Variants in SLC4A5 observed in about 807,000 individuals in gnomAD.
The protein encoded by SLC4A5 is solute carrier family 4 member 5, also known as electrogenic sodium bicarbonate cotransporter 4.
In SLC4A5, 96 loss-of-function variants were observed where a neutral mutation model predicts 120.4. The ratio of observed to expected loss-of-function variants is 0.80; its 90% confidence interval spans 0.68 to 0.94. The LOEUF (loss-of-function observed/expected upper bound fraction) is 0.94, where lower values mean the gene tolerates loss of function less well. Among genes scored for constraint, SLC4A5 ranks in the 40% least tolerant of loss-of-function variants. SLC4A5 has a pLI of 0.00. For missense variants in SLC4A5, 1,259 were observed against 1,459.5 expected (o/e 0.86, Z 2.24); for synonymous variants, 550 against 571.1 (o/e 0.96, Z 0.53).
In SLC4A5 at chr2:74,247,186, CG is replaced by C; in HGVS notation, c.1908del (p.Glu637ArgfsTer20). ...CTGATAAGGGTGGAGAAGCCCTCCT[CG>C]GTGAAGCGGGTGATATATTTGATGA... On this transcript the variant is annotated frameshift_variant, in exon 19 of 31. Transcript: ENST00000394019. LOFTEE classifies it high-confidence loss of function. 1 of 1,614,168 alleles carries C rather than the reference CG, an allele frequency of 6.2e-7. No homozygotes were observed. Among genetic ancestry groups the C allele is most frequent in the Non-Finnish European group, 8.5e-7 (1 of 1,180,038 alleles).
chr2:74,220,901 C>T (rs1189283201), intron 30 of SLC4A5, among the ~76,000 whole-genome samples: 16 of 141,648 alleles, frequency 1.1e-4, no homozygotes, highest in African/African-American at 3.3e-4. Flanking sequence ...AGTGCAGTGG[C>T]GCGATCTCGG....
intron 21 of SLC4A5, among the ~76,000 whole-genome samples, chr2:74,236,977 A>ATT (rs33959548): frequency 0.088 from 12,312 of 140,088 alleles, 896 homozygotes; most frequent in African/African-American, 0.18. Context: ...CAACTGAGCA[A>ATT]TTTTTTTTTT....
chr2:74,329,820 G>A (rs1430940146), intron 4 of SLC4A5, among the ~76,000 whole-genome samples: 1 of 151,916 alleles, frequency 6.6e-6, no homozygotes, highest in Admixed American at 6.6e-5. Flanking sequence ...GGAAGTGTGA[G>A]GTGTAGATGG....
At position 74,255,440 on chromosome 2, in the gene SLC4A5, G is replaced by A. The variant is rs554345668; in HGVS notation, c.1025+335C>T. ...CCCGAGGAGCTGGGATTACAGGCGC[G>A]TACCACCACACCTGGCTAATTTTTT... On this transcript the variant is annotated intron_variant, in intron 13 of 30. Transcript: ENST00000394019. This position sits in a 1 kb window ranked among gnomAD's most constrained non-coding sequence, Gnocchi z 4.0. Among the ~76,000 whole-genome samples, 2 of 151,926 alleles carry A rather than the reference G, an allele frequency of 1.3e-5. No individual in the cohort carries two copies. The highest frequency in any genetic ancestry group is 2.9e-5 in the Non-Finnish European group (2 of 67,980).
At chr2:74,334,646 G>A (rs1373006667) in intron 3 of SLC4A5, among the ~76,000 whole-genome samples, 1 of 151,914 alleles carries the variant, frequency 6.6e-6, no homozygotes, top group Non-Finnish European at 1.5e-5. Flanking sequence ...ATTCACTGAT[G>A]TATCTCTGAT....
chr2:74,270,591 T>C (rs992572804), intron 8 of SLC4A5, among the ~76,000 whole-genome samples: 7 of 152,312 alleles, frequency 4.6e-5, no homozygotes, highest in African/African-American at 1.7e-4. Flanking sequence ...GAGAATGGCG[T>C]GAACCCGGGA....
At chr2:74,281,835 T>C (rs908369973) in intron 8 of SLC4A5, among the ~76,000 whole-genome samples, 1 of 152,220 alleles carries the variant, frequency 6.6e-6, no homozygotes, top group African/African-American at 2.4e-5. Flanking sequence ...AATTAAATAC[T>C]TTTATTAAAG....
At chr2:74,232,900 T>C (rs1244138102) in intron 23 of SLC4A5, among the ~76,000 whole-genome samples, 3 of 152,156 alleles carry the variant, frequency 2.0e-5, no homozygotes, top group African/African-American at 7.2e-5. Context: ...TTTGGGTCTC[T>C]GGGGAGAAGG....
At chr2:74,325,885 G>T (rs1183854487) in intron 5 of SLC4A5, among the ~76,000 whole-genome samples, 1 of 149,320 alleles carries the variant, frequency 6.7e-6, no homozygotes. Context: ...AAGGGGAAGG[G>T]GAAGGGGAAG....
intron 12 of SLC4A5, 124 bp downstream of exon 12, chr2:74,259,464 C>T: frequency 8.8e-7 from 1 of 1,132,372 alleles, no homozygotes; most frequent in South Asian, 1.3e-5. Flanking sequence ...CACTGGGGAT[C>T]TTCCTGGAAC....
At chr2:74,252,034 G>C (rs112110984) in intron 16 of SLC4A5, 145 bp downstream of exon 16, 1 of 870,662 alleles carries the variant, frequency 1.1e-6, no homozygotes, top group African/African-American at 1.7e-5. Context: ...TCCATGATGG[G>C]GTTCAAGGGC....
intron 10 of SLC4A5, among the ~76,000 whole-genome samples, chr2:74,263,711 G>A (rs776683601): frequency 3.3e-5 from 5 of 152,130 alleles, no homozygotes; most frequent in Admixed American, 6.5e-5. Flanking sequence ...TCTCTAGGGG[G>A]TTTGATGTGA....
rs757215443 is a variant in SLC4A5, at chr2:74,255,973, A to C, written c.868-41T>G. On this transcript the variant is annotated intron_variant, in intron 12 of 30. Coordinates refer to ENST00000394019, the Ensembl canonical transcript of SLC4A5. This position sits in a 1 kb window ranked among gnomAD's most constrained non-coding sequence, Gnocchi z 4.0. ...AAACGAGATAGCCAAGGAGACTCCC[A>C]CCTGCTCTCACTCCCTCACTCCCCT... The C allele has an allele frequency of 6.2e-7, 1 of 1,603,602 alleles. No homozygotes were observed. Among genetic ancestry groups the C allele is most frequent in the Non-Finnish European group, 8.5e-7 (1 of 1,171,952 alleles).
At chr2:74,321,444 A>C (rs945772679) in intron 5 of SLC4A5, among the ~76,000 whole-genome samples, 4 of 152,148 alleles carry the variant, frequency 2.6e-5, no homozygotes, top group Admixed American at 2.6e-4. Context: ...ATGAAACTAC[A>C]GTTTGCCCAG....
chr2:74,252,520 A>G (rs1230970493), intron 15 of SLC4A5, 132 bp from the exon 16 acceptor site: 7 of 1,029,558 alleles, frequency 6.8e-6, no homozygotes, highest in Non-Finnish European at 9.8e-6. Flanking sequence ...CACGCAGGTC[A>G]CCTAGATTTT....
intron 5 of SLC4A5, among the ~76,000 whole-genome samples, chr2:74,322,660 T>C (rs995643861): frequency 6.6e-6 from 1 of 152,150 alleles, no homozygotes; most frequent in African/African-American, 2.4e-5. Context: ...TTTGAGGTAT[T>C]TTATTATTAA....
intron 5 of SLC4A5, among the ~76,000 whole-genome samples, chr2:74,318,291 C>T (rs888932400): frequency 2.0e-5 from 3 of 152,028 alleles, no homozygotes; most frequent in African/African-American, 4.8e-5. Context: ...CATAAATGGC[C>T]AACAAACATG....
At chr2:74,330,947 T>C (rs1573111881) in intron 4 of SLC4A5, among the ~76,000 whole-genome samples, 1 of 146,968 alleles carries the variant, frequency 6.8e-6, no homozygotes, top group Middle Eastern at 3.6e-3. Flanking sequence ...GAGTTATAGG[T>C]GAGGGTGGTG....
chr2:74,247,005 G>A lies in SLC4A5; in HGVS notation c.2059+31C>T, dbSNP rs777646117. On this transcript the variant is annotated intron_variant, in intron 19 of 30. Transcript: ENST00000394019. The stretch of plus-strand genomic sequence containing the variant: ...TCAGGGGGCCGGTGGGGTAGGTGAG[G>A]GCCCACGGCATGTCTGGGGTTACCG... 9 of 1,607,960 alleles carry A rather than the reference G, an allele frequency of 5.6e-6. No homozygotes were observed. In the East Asian group the frequency reaches 2.0e-4, roughly 36 times the overall value.
Sources: allele counts gnomAD v4.1 joint callset (sites outside exome capture counted in the v4.1 genomes callset), GRCh38; gene constraint gnomAD v4.1.1; non-coding constraint Gnocchi (gnomAD v3.1); transcripts MANE v1.5; gene names NCBI Gene and HGNC (gene_info 2026-07-23, HGNC 2026-07-21).